Variants in SNX29 observed in about 807,000 individuals in gnomAD.
The protein encoded by SNX29 is sorting nexin 29, also known as sorting nexin-29.
SNX29 carries 78 observed loss-of-function variants against 102.1 expected under a neutral mutation model. That is an observed-to-expected ratio of 0.76 (90% CI 0.64 to 0.92). The LOEUF (loss-of-function observed/expected upper bound fraction) is 0.92, where lower values mean the gene tolerates loss of function less well. SNX29 is among the 40% of genes least tolerant of loss of function. The probability of loss-of-function intolerance (pLI) is 0.00; values close to 1 mark genes in which losing one functional copy is unlikely to be tolerated. For missense variants in SNX29, 1,280 were observed against 1,061.7 expected, an observed-to-expected ratio of 1.21 and a Z score of -2.86; for synonymous variants, 580 against 414.5, an observed-to-expected ratio of 1.40 and a Z score of -4.85.
At chr16:12,560,195 T>TG (rs1567201613) in intron 20 of SNX29, among the ~76,000 whole-genome samples, 1 of 149,600 alleles carries the variant, frequency 6.7e-6, no homozygotes, top group East Asian at 2.0e-4. Flanking sequence ...ATTTAACTTG[T>TG]GCTTGTAGAA....
intron 15 of SNX29, among the ~76,000 whole-genome samples, chr16:12,297,729 G>A (rs538183137): frequency 2.0e-5 from 3 of 152,150 alleles, no homozygotes; most frequent in African/African-American, 7.2e-5. Flanking sequence ...TTTGTCATTT[G>A]CACCTCAGTA....
intron 9 of SNX29, among the ~76,000 whole-genome samples, chr16:12,066,238 TG>T (rs2051031361): frequency 6.6e-6 from 1 of 152,196 alleles, no homozygotes; most frequent in Non-Finnish European, 1.5e-5. Context: ...GACAGGGAAC[TG>T]GGGCGTCTGC....
chr16:12,372,018 A>G (rs1289841345), intron 16 of SNX29, among the ~76,000 whole-genome samples: 1 of 152,254 alleles, frequency 6.6e-6, no homozygotes, highest in Non-Finnish European at 1.5e-5. Context: ...AAGAATATAA[A>G]TAATGCACAA....
chr16:12,123,893 T>G (rs1285766822), intron 11 of SNX29, among the ~76,000 whole-genome samples: 1 of 152,096 alleles, frequency 6.6e-6, no homozygotes, highest in Non-Finnish European at 1.5e-5. Context: ...AGTGGGTGGG[T>G]GTGGCCGTGT....
chr16:12,149,963 G>C (rs569102786), intron 13 of SNX29, among the ~76,000 whole-genome samples: 2 of 152,274 alleles, frequency 1.3e-5, no homozygotes, highest in African/African-American at 4.8e-5. Flanking sequence ...GGAAGCTTCA[G>C]GTTGCTCCCT....
At chr16:12,567,109 G>C (rs561527133) in intron 20 of SNX29, among the ~76,000 whole-genome samples, 23 of 152,232 alleles carry the variant, frequency 1.5e-4, no homozygotes, top group Non-Finnish European at 2.4e-4. Context: ...CTTTATGAAT[G>C]CAAGTCTCTT....
At position 12,356,302 on chromosome 16, in the gene SNX29, G is replaced by C. The variant is rs2082134540; in HGVS notation, c.1899+23G>C. Reference sequence around the variant, plus strand: ...CCGGTGAGTGTTTCCCCAACCCTGTGTGTCTGTCAAGCCTCTGCTGCCCAC... The same window carrying C: ...CCGGTGAGTGTTTCCCCAACCCTGTCTGTCTGTCAAGCCTCTGCTGCCCAC... On this transcript the variant is annotated intron_variant, in intron 16 of 20. Transcript: ENST00000566228. The C allele has an allele frequency of 2.5e-6, 4 of 1,571,284 alleles. No homozygotes were observed. The Admixed American group carries it at 7.4e-5, about 29-fold the overall frequency.
chr16:12,038,063 T>A (rs1196003137), intron 4 of SNX29, among the ~76,000 whole-genome samples: 3 of 152,200 alleles, frequency 2.0e-5, no homozygotes, highest in Admixed American at 2.0e-4. Context: ...AATAGCTGGT[T>A]TTCATTGAGC....
intron 18 of SNX29, among the ~76,000 whole-genome samples, chr16:12,458,795 G>A (rs910168036): frequency 1.2e-4 from 19 of 152,306 alleles, no homozygotes; most frequent in African/African-American, 4.3e-4. Flanking sequence ...CGCAGAGGCA[G>A]GCTCTGGCCA....
chr16:12,537,784 A>G (rs1029909410), intron 20 of SNX29, among the ~76,000 whole-genome samples: 7 of 152,070 alleles, frequency 4.6e-5, no homozygotes, highest in African/African-American at 1.7e-4. Flanking sequence ...AAAAAAAGTA[A>G]TAAAATATCT....
At chr16:12,425,876 A>G (rs976963885) in intron 18 of SNX29, among the ~76,000 whole-genome samples, 2 of 151,960 alleles carry the variant, frequency 1.3e-5, no homozygotes, top group African/African-American at 4.8e-5. Context: ...AGAAATAACC[A>G]TTTCTGCTGT....
intron 18 of SNX29, 68 bp from the exon 19 acceptor site, chr16:12,477,651 C>T (rs2087717646): frequency 4.4e-6 from 7 of 1,575,576 alleles, no homozygotes; most frequent in Admixed American, 2.0e-5. Flanking sequence ...ATGGGGAAAG[C>T]ATAGCCGAAA....
intron 18 of SNX29, among the ~76,000 whole-genome samples, chr16:12,451,136 A>G (rs1412793814): frequency 6.6e-6 from 1 of 152,186 alleles, no homozygotes. Flanking sequence ...TGCTATTTTT[A>G]TTGATTCAAC....
intron 14 of SNX29, among the ~76,000 whole-genome samples, chr16:12,275,053 G>A (rs974536135): frequency 2.0e-5 from 3 of 152,066 alleles, no homozygotes; most frequent in Admixed American, 6.6e-5. Flanking sequence ...TTCATCTTAG[G>A]TGCTTTTCTC....
intron 15 of SNX29, among the ~76,000 whole-genome samples, chr16:12,328,211 T>C (rs1344221740): frequency 1.3e-5 from 2 of 152,326 alleles, no homozygotes; most frequent in Admixed American, 1.3e-4. Context: ...TGTTCTTTTA[T>C]CCTAGCTGTT....
At chr16:12,553,421 C>T (rs2078115585) in intron 20 of SNX29, among the ~76,000 whole-genome samples, 1 of 152,160 alleles carries the variant, frequency 6.6e-6, no homozygotes, top group African/African-American at 2.4e-5. Context: ...AAAACCAGGT[C>T]TGACACACTC....
intron 20 of SNX29, among the ~76,000 whole-genome samples, chr16:12,548,026 C>T (rs1044118368): frequency 1.3e-5 from 2 of 152,088 alleles, no homozygotes; most frequent in African/African-American, 2.4e-5. Context: ...TTGCACTGCT[C>T]ATATTGGTAA....
intron 14 of SNX29, among the ~76,000 whole-genome samples, chr16:12,201,410 G>A (rs751990264): frequency 5.3e-5 from 8 of 152,126 alleles, no homozygotes; most frequent in Non-Finnish European, 1.2e-4. Flanking sequence ...AAGCTCAAAT[G>A]TACTCTGATT....
chr16:11,984,997 T>G (rs541479584), intron 1 of SNX29, among the ~76,000 whole-genome samples: 1 of 150,778 alleles, frequency 6.6e-6, no homozygotes, highest in East Asian at 2.1e-4. Flanking sequence ...AATGATGCAG[T>G]GAACATTTTT....
Sources: allele counts gnomAD v4.1 joint callset (sites outside exome capture counted in the v4.1 genomes callset), GRCh38; gene constraint gnomAD v4.1.1; transcripts MANE v1.5; gene names NCBI Gene and HGNC (gene_info 2026-07-23, HGNC 2026-07-21).